The following PPP2R5E variants were observed in gnomAD, a reference collection of about 807,000 sequenced individuals.
PPP2R5E encodes serine/threonine-protein phosphatase 2A 56 kDa regulatory subunit epsilon isoform.
Under a neutral mutation model 65.3 loss-of-function variants are expected in PPP2R5E, and 4 were observed. That is an observed-to-expected ratio of 0.06 (90% CI 0.03 to 0.14). The LOEUF (loss-of-function observed/expected upper bound fraction) is 0.14. Ranked by LOEUF, PPP2R5E falls within the 10% of genes least tolerant of loss-of-function variation. The pLI, the probability that PPP2R5E is intolerant of heterozygous loss-of-function variation, is 1.00. For missense variants in PPP2R5E, 274 were observed against 556.1 expected, an observed-to-expected ratio of 0.49 and a Z score of 5.10; for synonymous variants, 183 against 187.4, an observed-to-expected ratio of 0.98 and a Z score of 0.19.
chr14:63,446,916 C>A (rs1287805399), intron 3 of PPP2R5E, among the ~76,000 whole-genome samples: 3 of 151,670 alleles, frequency 2.0e-5, no homozygotes, highest in Non-Finnish European at 4.4e-5. Flanking sequence ...GGTGGATAGT[C>A]AATGAGTAGT....
rs544239901 is a variant in PPP2R5E, at chr14:63,371,646, T to C, written c.*4363A>G. ...TTTGATGTGGATCAGAAGTCTTCAC[T>C]GTCTGGTTGAACCAGTCTATAATTT... On this transcript the variant is annotated 3_prime_UTR_variant, in exon 14 of 14. Transcript: ENST00000337537. The C allele has an allele frequency of 1.3e-5, 2 of 152,336 alleles. No individual in the cohort carries two copies. Among genetic ancestry groups the C allele is most frequent in the East Asian group, 1.9e-4 (1 of 5,184 alleles). 9.4% of individuals were successfully genotyped at this position (152,336 alleles called of 1,614,324 possible). A position where few individuals can be genotyped will look rare whatever the true frequency, so the allele number is the denominator to read the frequency against.
chr14:63,532,405 A>T (rs957092349), intron 2 of PPP2R5E, among the ~76,000 whole-genome samples: 2 of 152,336 alleles, frequency 1.3e-5, no homozygotes, highest in East Asian at 3.8e-4. Context: ...TCTCCAGGTG[A>T]AGATGTTTAG....
intron 2 of PPP2R5E, among the ~76,000 whole-genome samples, chr14:63,530,773 CCTGA>C (rs1330226263): frequency 7.3e-5 from 11 of 151,352 alleles, no homozygotes; most frequent in African/African-American, 2.2e-4. Flanking sequence ...CATCACCACG[CCTGA>C]CTAATTTTTT....
chr14:63,428,482 T>C (rs1376632220), intron 3 of PPP2R5E, among the ~76,000 whole-genome samples: 2 of 152,340 alleles, frequency 1.3e-5, no homozygotes, highest in African/African-American at 4.8e-5. Context: ...GCCTTGTATT[T>C]TTATTTACTA....
At chr14:63,457,880 A>G (rs968742848) in intron 2 of PPP2R5E, among the ~76,000 whole-genome samples, 1 of 152,138 alleles carries the variant, frequency 6.6e-6, no homozygotes, top group Non-Finnish European at 1.5e-5. Context: ...GGTTTCCAGA[A>G]TATGTTTCTC....
chr14:63,462,082 T>C (rs1475614062), intron 2 of PPP2R5E, among the ~76,000 whole-genome samples: 1 of 151,954 alleles, frequency 6.6e-6, no homozygotes. Context: ...TATTTTTTTT[T>C]TTTTTTTAGA....
At chr14:63,463,000 G>T (rs1358709281) in intron 2 of PPP2R5E, among the ~76,000 whole-genome samples, 11 of 150,598 alleles carry the variant, frequency 7.3e-5, no homozygotes, top group Admixed American at 6.6e-5. Flanking sequence ...TACCCGGGAG[G>T]CTGAGGCAGG....
At chr14:63,414,768 T>A (rs1287805887) in intron 5 of PPP2R5E, among the ~76,000 whole-genome samples, 1 of 118,652 alleles carries the variant, frequency 8.4e-6, no homozygotes, top group Non-Finnish European at 1.9e-5. Flanking sequence ...TACTCAGTTT[T>A]AACAGATCTA....
At chr14:63,497,345 T>A (rs569128079) in intron 2 of PPP2R5E, among the ~76,000 whole-genome samples, 2 of 152,038 alleles carry the variant, frequency 1.3e-5, no homozygotes, top group African/African-American at 4.8e-5. Flanking sequence ...TGGCTCCCCA[T>A]CAAAAGGCCA....
At chr14:63,390,693 G>A (rs895079477) in intron 10 of PPP2R5E, among the ~76,000 whole-genome samples, 4 of 152,290 alleles carry the variant, frequency 2.6e-5, no homozygotes, top group Admixed American at 6.5e-5. Context: ...GAAGGAAGGC[G>A]TTTCTGCTAA....
At chr14:63,501,359 A>G (rs560232376) in intron 2 of PPP2R5E, among the ~76,000 whole-genome samples, 2 of 151,266 alleles carry the variant, frequency 1.3e-5, no homozygotes, top group Non-Finnish European at 3.0e-5. Context: ...GAGCCGATAC[A>G]GTGCCACTGC....
At chr14:63,432,776 T>C (rs1487511178) in intron 3 of PPP2R5E, among the ~76,000 whole-genome samples, 4 of 152,026 alleles carry the variant, frequency 2.6e-5, no homozygotes, top group Admixed American at 2.6e-4. Flanking sequence ...TATAATCAAG[T>C]TAATAGAAGC....
At chr14:63,470,273 T>G (rs571931785) in intron 2 of PPP2R5E, among the ~76,000 whole-genome samples, 1 of 152,222 alleles carries the variant, frequency 6.6e-6, no homozygotes, top group South Asian at 2.1e-4. Context: ...TGCTTCACTA[T>G]GTTACCCAGG....
At chr14:63,539,797 G>A (rs1893815162) in intron 1 of PPP2R5E, 105 bp from the exon 2 acceptor site, 1 of 1,186,080 alleles carries the variant, frequency 8.4e-7, no homozygotes, top group Non-Finnish European at 1.2e-6. Flanking sequence ...ATGAAAATGG[G>A]AATATGTGCT....
chr14:63,393,958 A>C (rs766249204), intron 7 of PPP2R5E, 30 bp from the exon 8 acceptor site: 41 of 1,302,670 alleles, frequency 3.1e-5, no homozygotes, highest in Non-Finnish European at 4.2e-5. Context: ...ACAAATTAGC[A>C]ATGTTACCAC....
At chr14:63,531,652 T>G (rs1176585344) in intron 2 of PPP2R5E, among the ~76,000 whole-genome samples, 2 of 152,102 alleles carry the variant, frequency 1.3e-5, no homozygotes, top group East Asian at 3.9e-4. Flanking sequence ...TATGGTTATT[T>G]TTTAAACACA....
rs552936981 is a variant in PPP2R5E, at chr14:63,410,023, G to A, written c.549+5117C>T. On this transcript the variant is annotated intron_variant, in intron 5 of 13. Coordinates refer to ENST00000337537, the MANE Select transcript of PPP2R5E (RefSeq NM_006246.5). ...CCAAAGCTTCCTAACTTTCCACTACGTCATAGTAAAATAGCTCAATTCCTA... is the reference window on the plus strand; with the variant it reads ...CCAAAGCTTCCTAACTTTCCACTACATCATAGTAAAATAGCTCAATTCCTA... Among the ~76,000 whole-genome samples, 18 of 152,218 alleles carry A rather than the reference G, an allele frequency of 1.2e-4. No homozygotes were observed. The South Asian group carries it at 1.2e-3, about 11-fold the overall frequency.
At chr14:63,469,455 G>A (rs1477648895) in intron 2 of PPP2R5E, among the ~76,000 whole-genome samples, 1 of 152,228 alleles carries the variant, frequency 6.6e-6, no homozygotes. Context: ...CACTTTGGGA[G>A]GCCGAGGCGG....
chr14:63,409,543 T>C (rs1485058203), intron 5 of PPP2R5E, among the ~76,000 whole-genome samples: 11 of 152,210 alleles, frequency 7.2e-5, no homozygotes, highest in African/African-American at 1.9e-4. Context: ...CCATAGGTGA[T>C]ACCAGTAGAC....
Sources: allele counts gnomAD v4.1 joint callset (sites outside exome capture counted in the v4.1 genomes callset), GRCh38; gene constraint gnomAD v4.1.1; transcripts MANE v1.5; gene names NCBI Gene and HGNC (gene_info 2026-07-23, HGNC 2026-07-21).